The following LTBP1 variants were observed in gnomAD, a reference collection of about 807,000 sequenced individuals.
The protein encoded by LTBP1 is latent-transforming growth factor beta-binding protein 1.
Under a neutral mutation model 207.6 loss-of-function variants are expected in LTBP1, and 129 were observed. The observed-to-expected ratio is 0.62, with a 90% confidence interval of 0.54 to 0.72. The LOEUF (loss-of-function observed/expected upper bound fraction) is 0.72. Among genes scored for constraint, LTBP1 ranks in the 30% least tolerant of loss-of-function variants. The pLI, the probability that LTBP1 is intolerant of heterozygous loss-of-function variation, is 0.00. For missense variants in LTBP1, 2,281 were observed against 2,217.2 expected (o/e 1.03, Z -0.58); for synonymous variants, 963 against 833.7 (o/e 1.16, Z -2.67).
intron 9 of LTBP1, among the ~76,000 whole-genome samples, chr2:33,229,531 A>G (rs1218211039): frequency 6.6e-6 from 1 of 152,188 alleles, no homozygotes; most frequent in Non-Finnish European, 1.5e-5. Context: ...AAAGTTGTAC[A>G]ATACATTTCT....
chr2:33,226,080 C>T (rs1395908670), intron 9 of LTBP1, among the ~76,000 whole-genome samples: 1 of 151,896 alleles, frequency 6.6e-6, no homozygotes, highest in African/African-American at 2.4e-5. Context: ...TGTTATTGAC[C>T]CATGGATTAT....
chr2:33,342,768 T>G, intron 24 of LTBP1, 70 bp from the exon 25 acceptor site: 8 of 1,551,686 alleles, frequency 5.2e-6, no homozygotes, highest in Non-Finnish European at 7.0e-6. Context: ...TGCCTCTGTT[T>G]ATCCATTAAT....
At chr2:33,010,544 A>G (rs1687532133) in intron 2 of LTBP1, among the ~76,000 whole-genome samples, 1 of 152,200 alleles carries the variant, frequency 6.6e-6, no homozygotes, top group African/African-American at 2.4e-5. Flanking sequence ...ACACATAGAA[A>G]TGATAAATAT....
At chr2:33,150,823 C>T (rs540342314) in intron 5 of LTBP1, among the ~76,000 whole-genome samples, 48 of 147,708 alleles carry the variant, frequency 3.2e-4, no homozygotes, top group African/African-American at 1.2e-3. Context: ...GCAACCTCCA[C>T]CTCCCAGGTT....
At chr2:33,139,016 G>C (rs4464254) in intron 5 of LTBP1, among the ~76,000 whole-genome samples, 3 of 150,210 alleles carry the variant, frequency 2.0e-5, no homozygotes, top group Admixed American at 1.3e-4. Context: ...CCGCTACCAC[G>C]CCCGGCTAAT....
At chr2:32,956,083 T>TA (rs1264298337) in intron 2 of LTBP1, among the ~76,000 whole-genome samples, 5 of 152,326 alleles carry the variant, frequency 3.3e-5, no homozygotes, top group Non-Finnish European at 7.3e-5. Context: ...ATTTTGTTAC[T>TA]AAAAAATGGA....
intron 3 of LTBP1, among the ~76,000 whole-genome samples, chr2:33,030,424 T>G (rs1558536356): frequency 6.6e-6 from 1 of 152,278 alleles, no homozygotes; most frequent in East Asian, 1.9e-4. Context: ...GGCTCCTATT[T>G]ATCTCCTGGC....
chr2:32,951,260 C>T (rs1051698197), intron 2 of LTBP1, among the ~76,000 whole-genome samples: 20 of 152,216 alleles, frequency 1.3e-4, no homozygotes, highest in African/African-American at 3.1e-4. Context: ...ATTAACCTTC[C>T]TGTACTTCCC....
intron 25 of LTBP1, among the ~76,000 whole-genome samples, chr2:33,346,931 A>G (rs2094709965): frequency 6.6e-6 from 1 of 152,044 alleles, no homozygotes. Flanking sequence ...CCTGCCTAAC[A>G]CGGTGGAACC....
At chr2:33,161,221 T>C (rs2084434289) in intron 5 of LTBP1, among the ~76,000 whole-genome samples, 1 of 152,060 alleles carries the variant, frequency 6.6e-6, no homozygotes, top group Non-Finnish European at 1.5e-5. Flanking sequence ...GTTAGTATCT[T>C]TCCCTTACGT....
intron 2 of LTBP1, among the ~76,000 whole-genome samples, chr2:33,005,672 C>T (rs577640433): frequency 1.3e-5 from 2 of 151,392 alleles, no homozygotes; most frequent in African/African-American, 2.4e-5. Flanking sequence ...CTGCAACCTC[C>T]GCTTCCCAGG....
At chr2:32,986,329 G>A (rs1683562840) in intron 2 of LTBP1, among the ~76,000 whole-genome samples, 1 of 152,182 alleles carries the variant, frequency 6.6e-6, no homozygotes, top group East Asian at 1.9e-4. Context: ...GGTGTGGTGG[G>A]AGAGGGCGTG....
At chr2:32,981,002 T>C (rs1436421518) in intron 2 of LTBP1, among the ~76,000 whole-genome samples, 1 of 152,206 alleles carries the variant, frequency 6.6e-6, no homozygotes, top group Non-Finnish European at 1.5e-5. Context: ...GCTTTTAGGA[T>C]CTTTTCTTTA....
chr2:32,991,926 T>A (rs1188738285), intron 2 of LTBP1, among the ~76,000 whole-genome samples: 2 of 152,200 alleles, frequency 1.3e-5, no homozygotes, highest in African/African-American at 2.4e-5. Flanking sequence ...TAAATGTGAT[T>A]CCTTAACACT....
At chr2:33,323,116 G>A (rs368302607) in intron 24 of LTBP1, among the ~76,000 whole-genome samples, 92 of 152,150 alleles carry the variant, frequency 6.0e-4, no homozygotes, top group South Asian at 3.5e-3. Context: ...CTAACCTACC[G>A]AACATTATAG....
chr2:32,976,809 C>T (rs1033572316), intron 2 of LTBP1, among the ~76,000 whole-genome samples: 1 of 152,232 alleles, frequency 6.6e-6, no homozygotes, highest in Admixed American at 6.5e-5. Flanking sequence ...CATCTTCTCT[C>T]ACTGACCTGA....
At chr2:33,281,565 G>A (rs2093560314) in intron 19 of LTBP1, among the ~76,000 whole-genome samples, 1 of 152,108 alleles carries the variant, frequency 6.6e-6, no homozygotes, top group Non-Finnish European at 1.5e-5. Flanking sequence ...GTGTTTTAAT[G>A]GGGGTTGCAG....
chr2:33,251,686 AAG>A (rs1553468913), intron 10 of LTBP1, among the ~76,000 whole-genome samples: 2,604 of 147,422 alleles, frequency 0.018, 94 homozygotes, highest in African/African-American at 0.063. Context: ...AAAAAAAAAA[AAG>A]ATGCTAGAGG....
intron 32 of LTBP1, among the ~76,000 whole-genome samples, chr2:33,390,159 T>C (rs897490879): frequency 3.2e-4 from 49 of 152,210 alleles, no homozygotes; most frequent in African/African-American, 9.6e-4. Context: ...TTAAAATACA[T>C]TGGTGAGGGG....
Sources: allele counts gnomAD v4.1 joint callset (sites outside exome capture counted in the v4.1 genomes callset), GRCh38; gene constraint gnomAD v4.1.1; transcripts MANE v1.5; gene names NCBI Gene and HGNC (gene_info 2026-07-23, HGNC 2026-07-21).